AUTS2: variants seen among roughly 807,000 people sequenced by gnomAD.
AUTS2 encodes autism susceptibility gene 2 protein.
In AUTS2, 17 loss-of-function variants were observed where a neutral mutation model predicts 112.4. That is an observed-to-expected ratio of 0.15 (90% CI 0.10 to 0.23). The LOEUF (loss-of-function observed/expected upper bound fraction) is 0.23, where lower values mean the gene tolerates loss of function less well. AUTS2 is among the 10% of genes least tolerant of loss of function. The pLI, the probability that AUTS2 is intolerant of heterozygous loss-of-function variation, is 1.00. For missense variants in AUTS2, 1,510 were observed against 1,701.6 expected, an observed-to-expected ratio of 0.89 and a Z score of 1.98; for synonymous variants, 751 against 702.7, an observed-to-expected ratio of 1.07 and a Z score of -1.09.
At chr7:70,678,669 A>T (rs1585492245) in intron 5 of AUTS2, among the ~76,000 whole-genome samples, 1 of 152,304 alleles carries the variant, frequency 6.6e-6, no homozygotes, top group East Asian at 1.9e-4. Context: ...AGTACCACCA[A>T]ACAAACCTCT....
chr7:70,376,463 G>A (rs931333350), intron 4 of AUTS2, among the ~76,000 whole-genome samples: 5 of 151,984 alleles, frequency 3.3e-5, no homozygotes, highest in South Asian at 2.1e-4. Context: ...AGATGTGGCC[G>A]GCACACCGTA....
chr7:69,689,819 A>C (rs1051471178), intron 1 of AUTS2, among the ~76,000 whole-genome samples: 1 of 150,724 alleles, frequency 6.6e-6, no homozygotes, highest in Non-Finnish European at 1.5e-5. Context: ...CTAGGATTAC[A>C]GGCATGTGCC....
intron 5 of AUTS2, among the ~76,000 whole-genome samples, chr7:70,621,173 G>A (rs1804653129): frequency 6.6e-6 from 1 of 152,250 alleles, no homozygotes; most frequent in Admixed American, 6.5e-5. Context: ...ACGTGGAAGG[G>A]TTGAGTGTTT....
intron 1 of AUTS2, among the ~76,000 whole-genome samples, chr7:69,691,099 GC>G (rs1267313143): frequency 6.6e-6 from 1 of 152,184 alleles, no homozygotes. Flanking sequence ...CCTGACATCT[GC>G]CTGAGTCTAC....
chr7:69,665,285 G>T (rs976384177), intron 1 of AUTS2, among the ~76,000 whole-genome samples: 3 of 152,050 alleles, frequency 2.0e-5, no homozygotes, highest in Non-Finnish European at 4.4e-5. Flanking sequence ...GGTAATGATG[G>T]TATTTGAACC....
At chr7:70,667,934 G>T (rs1011258422) in intron 5 of AUTS2, among the ~76,000 whole-genome samples, 1 of 152,168 alleles carries the variant, frequency 6.6e-6, no homozygotes, top group African/African-American at 2.4e-5. Context: ...CATGCATCAC[G>T]ATCACTGGGG....
At chr7:70,723,035 A>G (rs746018389) in intron 6 of AUTS2, among the ~76,000 whole-genome samples, 2 of 152,218 alleles carry the variant, frequency 1.3e-5, no homozygotes, top group South Asian at 2.1e-4. Context: ...GTTAAGTGTC[A>G]GAATTAGAAG....
intron 5 of AUTS2, among the ~76,000 whole-genome samples, chr7:70,520,363 T>G (rs753977670): frequency 1.3e-5 from 2 of 152,202 alleles, no homozygotes; most frequent in Non-Finnish European, 2.9e-5. Flanking sequence ...TGGTCTCTCC[T>G]CAGCCACATG....
chr7:70,734,175 C>T (rs1355865158), intron 6 of AUTS2, among the ~76,000 whole-genome samples: 1 of 152,020 alleles, frequency 6.6e-6, no homozygotes, highest in Non-Finnish European at 1.5e-5. Context: ...TGTGGTGGCT[C>T]ACGCCTGTAA....
chr7:70,456,717 G>A (rs1031400800), intron 5 of AUTS2, among the ~76,000 whole-genome samples: 26 of 152,228 alleles, frequency 1.7e-4, no homozygotes, highest in African/African-American at 6.3e-4. Context: ...ACTCACTGTG[G>A]CTGGAAGGGG....
intron 5 of AUTS2, among the ~76,000 whole-genome samples, chr7:70,672,839 G>C (rs1173281030): frequency 6.6e-6 from 1 of 152,172 alleles, no homozygotes. Flanking sequence ...CTGACCTCGT[G>C]ATCTGCCTGC....
At chr7:70,337,476 A>AT (rs1791046590) in intron 4 of AUTS2, among the ~76,000 whole-genome samples, 1 of 152,304 alleles carries the variant, frequency 6.6e-6, no homozygotes, top group South Asian at 2.1e-4. Context: ...ACGTTCTGGA[A>AT]TATTACTTTA....
intron 10 of AUTS2, among the ~76,000 whole-genome samples, chr7:70,770,178 A>G (rs1790246431): frequency 6.6e-6 from 1 of 152,244 alleles, no homozygotes; most frequent in Non-Finnish European, 1.5e-5. Context: ...GATGCAATGC[A>G]CTCAAGTATC....
chr7:70,239,870 C>T (rs1031917016), intron 4 of AUTS2, among the ~76,000 whole-genome samples: 1 of 152,176 alleles, frequency 6.6e-6, no homozygotes, highest in Non-Finnish European at 1.5e-5. Context: ...GGAGGAGATA[C>T]TAAGAAAATT....
At chr7:70,480,206 A>T (rs1340969403) in intron 5 of AUTS2, among the ~76,000 whole-genome samples, 1 of 152,228 alleles carries the variant, frequency 6.6e-6, no homozygotes, top group African/African-American at 2.4e-5. Context: ...TGTCCAGTGT[A>T]TGTGTACGTG....
At chr7:70,288,964 C>T (rs1437469765) in intron 4 of AUTS2, among the ~76,000 whole-genome samples, 2 of 152,106 alleles carry the variant, frequency 1.3e-5, no homozygotes, top group Non-Finnish European at 2.9e-5. Context: ...TTAATCTACC[C>T]AGGACCCGGT....
intron 2 of AUTS2, among the ~76,000 whole-genome samples, chr7:70,005,047 A>G (rs1799484357): frequency 6.6e-6 from 1 of 151,530 alleles, no homozygotes; most frequent in Non-Finnish European, 1.5e-5. Context: ...CTGGTCTCGA[A>G]CTCCTGACCT....
intron 4 of AUTS2, among the ~76,000 whole-genome samples, chr7:70,325,393 C>A (rs369907112): frequency 6.6e-6 from 1 of 152,048 alleles, no homozygotes; most frequent in East Asian, 1.9e-4. Context: ...TAAAGAAGTA[C>A]AAAATTTGAA....
rs201543415 is a variant in AUTS2 at position 70,486,003 on chromosome 7, AT to A, written c.690+50223del. 6.9e-5 allele frequency among the ~76,000 whole-genome samples: 10 copies of A among 144,084 alleles called. No individual in the cohort carries two copies. The South Asian group carries it at 2.2e-3, about 32-fold the overall frequency. 94.5% of individuals were successfully genotyped at this position (144,084 alleles called of 152,430 possible). On this transcript the variant is annotated intron_variant, in intron 5 of 18. Coordinates refer to ENST00000342771, the MANE Select transcript of AUTS2 (RefSeq NM_015570.4). The stretch of plus-strand genomic sequence containing the variant: ...ACCTTAATTAAAAAATAAATAAATA[AT>A]AAATAAATAAATAAATAAATAAATA...
Sources: allele counts gnomAD v4.1 joint callset (sites outside exome capture counted in the v4.1 genomes callset), GRCh38; gene constraint gnomAD v4.1.1; transcripts MANE v1.5; gene names NCBI Gene and HGNC (gene_info 2026-07-23, HGNC 2026-07-21).